The following PSG9 variants were observed in gnomAD, a reference collection of about 807,000 sequenced individuals.
PSG9 encodes pregnancy specific beta-1-glycoprotein 9, also known as pregnancy-specific beta-1-glycoprotein 9.
Under a neutral mutation model 41.9 loss-of-function variants are expected in PSG9, and 49 were observed. That is an observed-to-expected ratio of 1.17 (90% CI 0.93 to 1.48). PSG9 has a LOEUF of 1.48. Ranked by LOEUF, PSG9 falls within the 40% of genes most tolerant of loss-of-function variation. The pLI is 0.00. For synonymous variants in PSG9, 263 were observed against 196.8 expected (o/e 1.34, Z -2.82); for missense variants, 641 against 520.3 (o/e 1.23, Z -2.26).
Position 43,261,938 on chromosome 19 carries a change from T to C in PSG9, c.631A>G (p.Ile211Val), listed in dbSNP as rs1307126293. The change falls in exon 3 of 6, where the codon ATT (isoleucine) becomes GTT (valine). Residue 211 changes from isoleucine (I) to valine (V), a missense_variant. By Grantham distance (29) the Ile-to-Val change is conservative. Coordinates refer to ENST00000270077, the MANE Select transcript of PSG9 (RefSeq NM_002784.5). ...TLYLFGVTKYIAGPYECEIRN... is the reference protein window; with the variant it reads ...TLYLFGVTKYVAGPYECEIRN... ...ATTTCACATTCATAGGGTCCTGCAA[T>C]ATACTTTGTGACACCAAATAGATAG... The C allele has an allele frequency of 5.6e-6, 9 of 1,613,944 alleles. No individual in the cohort carries two copies. The Admixed American group carries it at 1.2e-4, about 21-fold the overall frequency.
At chr19:43,255,999 C>A (rs1968431902) in intron 5 of PSG9, among the ~76,000 whole-genome samples, 1 of 146,552 alleles carries the variant, frequency 6.8e-6, no homozygotes, top group Non-Finnish European at 1.5e-5. Flanking sequence ...AAAGAAAAAT[C>A]TGTCCTAAAA....
At chr19:43,268,519 G>A (rs58292497) in intron 1 of PSG9, among the ~76,000 whole-genome samples, 10,919 of 152,026 alleles carry the variant, frequency 0.072, 897 homozygotes, top group African/African-American at 0.2. Flanking sequence ...AGAGACCCTG[G>A]GTCTTCCCTT....
At chr19:43,259,328 C>T (rs1182070890) in intron 3 of PSG9, 193 bp from the exon 4 acceptor site, 4 of 1,098,636 alleles carry the variant, frequency 3.6e-6, no homozygotes, top group Non-Finnish European at 4.9e-6. Context: ...CCTGCTCTGT[C>T]TTAGGGAAGC....
Position 43,253,687 on chromosome 19 carries a change from C to G in PSG9, c.1244-41G>C, listed in dbSNP as rs766218787. The G allele has an allele frequency of 1.7e-5, 21 of 1,205,140 alleles. 1 individual carries two copies. Among genetic ancestry groups the G allele is most frequent in the African/African-American group, 1.7e-5 (1 of 60,066 alleles). 74.7% of individuals were successfully genotyped at this position (1,205,140 alleles called of 1,614,324 possible). On this transcript the variant is annotated intron_variant, in intron 5 of 5. Coordinates refer to ENST00000270077, the MANE Select transcript of PSG9 (RefSeq NM_002784.5). ...CCCAGGTCAGTGCATTTCAAATTCA[C>G]TACCTCCTTTACACAGAAAGCTTCT...
intron 1 of PSG9, among the ~76,000 whole-genome samples, chr19:43,268,683 G>T (rs370887357): frequency 2.8e-4 from 42 of 152,298 alleles, no homozygotes; most frequent in African/African-American, 1.0e-3. Flanking sequence ...CAGTGCCTGG[G>T]ACAGGCTGCA....
rs1047572014 is a variant in PSG9 at position 43,263,627 on chromosome 19, G to C, written c.431-1489C>G. On this transcript the variant is annotated intron_variant, in intron 2 of 5. Transcript: ENST00000270077. The stretch of plus-strand genomic sequence containing the variant: ...AAAAATTTGGAGGAAACATTAAAAT[G>C]TTTTCATAAGTGGAAACTTTTACTG... Among the ~76,000 whole-genome samples the C allele has an allele frequency of 9.9e-5, 15 of 151,732 alleles. 1 individual carries two copies. The highest frequency in any genetic ancestry group is 1.8e-4 in the Non-Finnish European group (12 of 67,926).
In PSG9 at chr19:43,258,211, T is replaced by C. The variant is rs201107432; in HGVS notation, c.1234A>G (p.Lys412Glu). 111 of 1,592,738 alleles carry C rather than the reference T, an allele frequency of 7.0e-5. 7 individuals carry two copies. The Middle Eastern group carries it at 1.8e-3, about 27-fold the overall frequency. ...GKEISKSMTVKVSGPCHGDLT... is the reference protein window; with the variant it reads ...GKEISKSMTVEVSGPCHGDLT... Reference sequence around the variant, plus strand: ...GCTGGGATCCACTTACCAGAGACTTTGACTGTCATGGATTTGGAGATTTCC... The same window carrying C: ...GCTGGGATCCACTTACCAGAGACTTCGACTGTCATGGATTTGGAGATTTCC... Residue 412 changes from lysine (K) to glutamate (E), a missense_variant, in exon 5 of 6, where the codon AAA becomes GAA. Coordinates refer to ENST00000270077, the MANE Select transcript of PSG9 (RefSeq NM_002784.5).
At position 43,259,001 on chromosome 19, in the gene PSG9, C is replaced by A. The variant is rs146667177; in HGVS notation, c.844G>T (p.Val282Phe). The A allele has an allele frequency of 3.8e-6, 6 of 1,590,630 alleles. No individual in the cohort carries two copies. Among genetic ancestry groups the A allele is most frequent in the Non-Finnish European group, 5.1e-6 (6 of 1,174,482 alleles). Residue 282 changes from valine to phenylalanine, a missense_variant, in exon 4 of 6, where the codon GTC (valine) becomes TTC (phenylalanine). Transcript: ENST00000270077. ...ATGGGTCGCTTTACCCCGGGACTGA[C>A]GGGGAGGCTCTGACCGTTTAGCCAC... is the stretch of plus-strand genomic sequence containing the variant. ...IWWLNGQSLP[V>F]SPGVKRPIEN...
At chr19:43,263,656 G>A (rs1008616241) in intron 2 of PSG9, among the ~76,000 whole-genome samples, 1 of 151,982 alleles carries the variant, frequency 6.6e-6, no homozygotes, top group South Asian at 2.1e-4. Flanking sequence ...TTTACTGATG[G>A]TCCAAACATC....
At chr19:43,269,012 C>CT (rs757718663) in intron 1 of PSG9, among the ~76,000 whole-genome samples, 1,709 of 148,654 alleles carry the variant, frequency 0.011, 47 homozygotes, top group East Asian at 0.067. Context: ...TCCTTTTTTT[C>CT]TTTTTTTTTT....
intron 4 of PSG9, 36 bp from the exon 5 acceptor site, chr19:43,258,492 T>A: frequency 6.5e-7 from 1 of 1,529,132 alleles, no homozygotes; most frequent in Non-Finnish European, 8.7e-7. Context: ...CGTGATGTCA[T>A]TCGAGGGAAG....
In PSG9 at chr19:43,268,173, T is replaced by C. The variant is rs1969072022; in HGVS notation, c.65-24A>G. The C allele has an allele frequency of 4.4e-6, 7 of 1,575,390 alleles. No individual in the cohort carries two copies. The Admixed American group carries it at 1.3e-4, about 28-fold the overall frequency. On this transcript the variant is annotated intron_variant, in intron 1 of 5. Transcript: ENST00000270077. Reference sequence around the variant, plus strand: ...TGCTAGGAGGGGGAGACAGCATCAGTTAATATTGAGACCTATGTATTGTGG... The same window carrying C: ...TGCTAGGAGGGGGAGACAGCATCAGCTAATATTGAGACCTATGTATTGTGG...
At position 43,255,145 on chromosome 19, in the gene PSG9, G is replaced by T. The variant is rs1457001979; in HGVS notation, c.1244-1499C>A. Among the ~76,000 whole-genome samples, 2 of 141,674 alleles carry T rather than the reference G, an allele frequency of 1.4e-5. 1 individual carries two copies. The highest frequency in any genetic ancestry group is 5.4e-5 in the African/African-American group (2 of 36,916). 92.9% of individuals were successfully genotyped at this position (141,674 alleles called of 152,430 possible). A position where few individuals can be genotyped will look rare whatever the true frequency, so the allele number is the denominator to read the frequency against. On this transcript the variant is annotated intron_variant, in intron 5 of 5. Transcript: ENST00000270077. ...AGAAAGAAAGAAAGAAAAATGAAGC[G>T]ATTACTACCAATTCTAATAAAATAA...
At chr19:43,267,179 C>A (rs1160912213) in intron 2 of PSG9, among the ~76,000 whole-genome samples, 1 of 152,110 alleles carries the variant, frequency 6.6e-6, no homozygotes, top group Non-Finnish European at 1.5e-5. Context: ...GTCTTTCTGT[C>A]CTCTCCACTC....
At chr19:43,255,167 A>C (rs1220251989) in intron 5 of PSG9, among the ~76,000 whole-genome samples, 1 of 145,668 alleles carries the variant, frequency 6.9e-6, no homozygotes. Flanking sequence ...TTCTAATAAA[A>C]TAATGATGAT....
intron 1 of PSG9, among the ~76,000 whole-genome samples, chr19:43,268,421 C>T (rs1969087997): frequency 6.6e-6 from 1 of 152,110 alleles, no homozygotes; most frequent in African/African-American, 2.4e-5. Context: ...AATCCTCTTC[C>T]CCAGGGGTCC....
At chr19:43,258,156 G>C (rs1364946025) in intron 5 of PSG9, 46 bp downstream of exon 5, 1 of 1,591,980 alleles carries the variant, frequency 6.3e-7, no homozygotes, top group Non-Finnish European at 8.5e-7. Flanking sequence ...AAGCCAGATA[G>C]ACTCCACATA....
chr19:43,267,693 A>C, intron 2 of PSG9, 91 bp downstream of exon 2: 2 of 1,580,490 alleles, frequency 1.3e-6, no homozygotes, highest in Non-Finnish European at 1.7e-6. Context: ...AGAGAGTGAC[A>C]CAGGCAGAGT....
At chr19:43,261,209 G>C (rs1419779229) in intron 3 of PSG9, among the ~76,000 whole-genome samples, 1 of 152,080 alleles carries the variant, frequency 6.6e-6, no homozygotes. Context: ...CCACTTACCA[G>C]GGACTATGAT....
Sources: allele counts gnomAD v4.1 joint callset (sites outside exome capture counted in the v4.1 genomes callset), GRCh38; gene constraint gnomAD v4.1.1; transcripts MANE v1.5; gene names NCBI Gene and HGNC (gene_info 2026-07-23, HGNC 2026-07-21).